ZNF362: variants seen among roughly 807,000 people sequenced by gnomAD.
ZNF362 encodes rotund homolog.
A neutral mutation model predicts 42.9 loss-of-function variants in ZNF362; 11 were observed. The ratio of observed to expected loss-of-function variants is 0.26; its 90% CI spans 0.16 to 0.42. ZNF362 has a LOEUF of 0.42. Among genes scored for constraint, ZNF362 ranks in the 20% least tolerant of loss-of-function variants. The pLI, the probability that ZNF362 is intolerant of heterozygous loss-of-function variation, is 1.00. For synonymous variants in ZNF362, 255 were observed against 257.3 expected (o/e 0.99, Z 0.09); for missense variants, 362 against 576.2 (o/e 0.63, Z 3.81).
At chr1:33,157,491 C>G in the ZNF362 span, among the ~76,000 whole-genome samples, 131 of 152,308 alleles carry the variant, frequency 8.6e-4, no homozygotes, top group African/African-American at 2.8e-3. Flanking sequence ...CAGCCCCCTT[C>G]CTTATTCTTT....
At chr1:33,146,396 ACT>A in the ZNF362 span, 1 of 159,576 alleles carries the variant, frequency 6.3e-6, no homozygotes, top group Non-Finnish European at 1.4e-5. Flanking sequence ...GGTTGGCTGG[ACT>A]CTTGTTCAGA....
chr1:33,256,913 C>CGTGTGT (rs140287361), intron 1 of ZNF362, among the ~76,000 whole-genome samples: 1 of 149,636 alleles, frequency 6.7e-6, no homozygotes, highest in African/African-American at 2.4e-5. Context: ...AGTGTGTGTG[C>CGTGTGT]GTGTGTGTGT....
the ZNF362 span, among the ~76,000 whole-genome samples, chr1:33,150,312 C>T: frequency 4.6e-5 from 7 of 152,230 alleles, no homozygotes; most frequent in South Asian, 2.1e-4. Flanking sequence ...TCAGTTGCCT[C>T]TGTTGGCTGC....
chr1:33,264,930 C>T (rs753799443), intron 1 of ZNF362, among the ~76,000 whole-genome samples: 1 of 151,882 alleles, frequency 6.6e-6, no homozygotes, highest in Non-Finnish European at 1.5e-5. Context: ...TTAAGCTGTC[C>T]GTTCATGTTC....
chr1:33,241,922 C>T, the ZNF362 span, among the ~76,000 whole-genome samples: 1 of 152,160 alleles, frequency 6.6e-6, no homozygotes, highest in East Asian at 1.9e-4. Context: ...AACCCCCAAC[C>T]CCAAAACCAA....
At chr1:33,187,570 A>G in the ZNF362 span, among the ~76,000 whole-genome samples, 5 of 152,218 alleles carry the variant, frequency 3.3e-5, no homozygotes, top group African/African-American at 1.2e-4. Flanking sequence ...TTCCGACTCT[A>G]CTACCCTTTC....
chr1:33,236,781 A>G, the ZNF362 span, among the ~76,000 whole-genome samples: 1 of 151,668 alleles, frequency 6.6e-6, no homozygotes, highest in Non-Finnish European at 1.5e-5. Flanking sequence ...GTAAACATAT[A>G]TCAAAATATC....
the ZNF362 span, chr1:33,163,936 G>C: frequency 6.5e-6 from 1 of 152,906 alleles, no homozygotes; most frequent in Non-Finnish European, 1.5e-5. Flanking sequence ...ACAGGAAAGC[G>C]GGGGAGGAAG....
chr1:33,280,508 A>G lies in ZNF362; in HGVS notation c.683+51A>G. 6.7e-7 allele frequency: 1 copy of G among 1,490,016 alleles called. No homozygotes were observed. Among genetic ancestry groups the G allele is most frequent in the Middle Eastern group, 1.8e-4 (1 of 5,438 alleles). The allele number at this position is 1,490,016 out of a possible 1,614,324, so 92.3% of individuals were successfully genotyped here. On this transcript the variant is annotated intron_variant, in intron 5 of 8. Coordinates refer to ENST00000539719, the MANE Select transcript of ZNF362 (RefSeq NM_152493.3). This position sits in a 1 kb window ranked among gnomAD's most constrained non-coding sequence, Gnocchi z 5.6. ...CGAGTGGGCTTGGGGCTGGGGCTTG[A>G]GCCAGGGCTGCTCCAGGAGCCCAGC...
At chr1:33,213,851 C>A in the ZNF362 span, among the ~76,000 whole-genome samples, 1 of 151,610 alleles carries the variant, frequency 6.6e-6, no homozygotes, top group Non-Finnish European at 1.5e-5. Flanking sequence ...CTCAAAAAAA[C>A]CAAAGCAAAC....
the ZNF362 span, among the ~76,000 whole-genome samples, chr1:33,169,668 G>A: frequency 1.4e-4 from 22 of 152,212 alleles, no homozygotes; most frequent in African/African-American, 4.6e-4. Context: ...TGGTCCAGAC[G>A]TGTGCTGTTC....
At chr1:33,145,749 G>A in the ZNF362 span, 3,731 of 407,560 alleles carry the variant, frequency 9.2e-3, 118 homozygotes, top group African/African-American at 0.069. Context: ...ATAGAGCCAA[G>A]GGGCAGGACA....
At chr1:33,204,933 A>C in the ZNF362 span, among the ~76,000 whole-genome samples, 33 of 152,244 alleles carry the variant, frequency 2.2e-4, no homozygotes, top group Non-Finnish European at 7.3e-5. Flanking sequence ...AATATAGGAA[A>C]TACTTAGGGA....
At chr1:33,141,560 C>T in the ZNF362 span, among the ~76,000 whole-genome samples, 3 of 152,186 alleles carry the variant, frequency 2.0e-5, no homozygotes, top group African/African-American at 7.2e-5. Context: ...AGCTTTGTGC[C>T]TCTGATGCCA....
chr1:33,174,960 T>G, the ZNF362 span, among the ~76,000 whole-genome samples: 2 of 140,292 alleles, frequency 1.4e-5, no homozygotes, highest in African/African-American at 5.8e-5. Flanking sequence ...TATATATATA[T>G]ATATATATAC....
the ZNF362 span, among the ~76,000 whole-genome samples, chr1:33,157,747 T>C: frequency 5.3e-5 from 8 of 151,752 alleles, no homozygotes; most frequent in Non-Finnish European, 1.5e-5. Flanking sequence ...ACCTATCTCA[T>C]GTTTTTTTTT....
chr1:33,190,730 A>C, the ZNF362 span, among the ~76,000 whole-genome samples: 1 of 152,196 alleles, frequency 6.6e-6, no homozygotes, highest in Non-Finnish European at 1.5e-5. Flanking sequence ...CAACTTGTGT[A>C]GTGCTGGGGC....
chr1:33,274,376 A>G (rs1349750178), intron 2 of ZNF362, among the ~76,000 whole-genome samples: 1 of 152,260 alleles, frequency 6.6e-6, no homozygotes, highest in African/African-American at 2.4e-5. Flanking sequence ...TGCCTGGCAC[A>G]AGAGAGGCAC....
the ZNF362 span, among the ~76,000 whole-genome samples, chr1:33,246,325 G>A: frequency 6.6e-6 from 1 of 152,166 alleles, no homozygotes; most frequent in African/African-American, 2.4e-5. Flanking sequence ...CTCTTGGGTG[G>A]GGCCGTGGCC....
Sources: gnomAD v4.1 joint callset for allele counts (sites outside exome capture counted in the v4.1 genomes callset) on GRCh38, gnomAD v4.1.1 for gene constraint, Gnocchi (gnomAD v3.1) non-coding constraint, MANE v1.5 for transcripts, NCBI Gene and HGNC (gene_info 2026-07-23, HGNC 2026-07-21) for gene names.